Variants in ENPP1 observed in about 807,000 individuals in gnomAD.
ENPP1 encodes the protein ectonucleotide pyrophosphatase/phosphodiesterase 1.
ENPP1 carries 73 observed loss-of-function variants against 122.8 expected under a neutral mutation model. The observed-to-expected ratio is 0.59, with a 90% confidence interval of 0.49 to 0.72. The LOEUF (loss-of-function observed/expected upper bound fraction) is 0.72, where lower values mean the gene tolerates loss of function less well. Among genes scored for constraint, ENPP1 ranks in the 30% least tolerant of loss-of-function variants. ENPP1 has a pLI of 0.00. For missense variants in ENPP1, 978 were observed against 1,128.1 expected (o/e 0.87, Z 1.91); for synonymous variants, 367 against 391.6 (o/e 0.94, Z 0.74).
At chr6:131,859,657 A>C (rs981000327) in intron 7 of ENPP1, among the ~76,000 whole-genome samples, 1 of 152,116 alleles carries the variant, frequency 6.6e-6, no homozygotes, top group Non-Finnish European at 1.5e-5. Flanking sequence ...TATATTTGGA[A>C]GAAGGGGTCA....
In ENPP1 at chr6:131,891,764, T is replaced by TTTTC. The variant is rs1782474414; in HGVS notation, c.*1254_*1257dup. The stretch of plus-strand genomic sequence containing the variant: ...AGGAAGTTGCTTTTTTTTTTTTTTT[T>TTTTC]TTTCAGTCCTGCAGTTTCCTGAAGC... On this transcript the variant is annotated 3_prime_UTR_variant, in exon 25 of 25. Coordinates refer to ENST00000647893, the MANE Select transcript of ENPP1 (RefSeq NM_006208.3). The TTTTC allele has an allele frequency of 6.6e-6, 1 of 151,218 alleles. No individual in the cohort carries two copies. Among genetic ancestry groups the TTTTC allele is most frequent in the African/African-American group, 2.4e-5 (1 of 40,980 alleles). The allele number at this position is 151,218 out of a possible 1,614,324, so 9.4% of individuals were successfully genotyped here.
intron 6 of ENPP1, among the ~76,000 whole-genome samples, chr6:131,858,334 C>T (rs1781975667): frequency 6.6e-6 from 1 of 152,192 alleles, no homozygotes; most frequent in Admixed American, 6.5e-5. Context: ...CTTATTCTAC[C>T]TCTTATGATT....
In ENPP1 at chr6:131,852,167, T is replaced by C; in HGVS notation, c.557-8T>C. ...TGTGTTCATTTTATTTTCTTGAAAA[T>C]ATTTTAGGTGAGAAAAGTTGGGTAG... On this transcript the variant is annotated splice_region_variant and splice_polypyrimidine_tract_variant and intron_variant, in intron 4 of 24. Coordinates refer to ENST00000647893, the MANE Select transcript of ENPP1 (RefSeq NM_006208.3). The C allele has an allele frequency of 6.3e-7, 1 of 1,576,022 alleles. No homozygotes were observed. The highest frequency in any genetic ancestry group is 1.1e-5 in the South Asian group (1 of 90,292).
In ENPP1 at chr6:131,893,521, CAT is replaced by C. The variant is rs1325620820; in HGVS notation, c.*3011_*3012del. ...CATTCCTTGGATGGAACATTTTTGA[CAT>C]TTTCCCATTTACAGCTACTTATATT... On this transcript the variant is annotated 3_prime_UTR_variant, in exon 25 of 25. Transcript: ENST00000647893. 11 of 152,362 alleles carry C rather than the reference CAT, an allele frequency of 7.2e-5. No individual in the cohort carries two copies. Among genetic ancestry groups the C allele is most frequent in the African/African-American group, 2.6e-4 (11 of 41,580 alleles). The allele number at this position is 152,362 out of a possible 1,614,324, so 9.4% of individuals were successfully genotyped here. A position where few individuals can be genotyped will look rare whatever the true frequency, so the allele number is the denominator to read the frequency against.
chr6:131,837,296 C>T (rs977797744), intron 1 of ENPP1, among the ~76,000 whole-genome samples: 18 of 151,546 alleles, frequency 1.2e-4, no homozygotes, highest in Admixed American at 6.6e-4. Flanking sequence ...GAGGCCAAGG[C>T]GGGCAGATCA....
Position 131,850,050 on chromosome 6 carries a change from C to T in ENPP1, c.374C>T (p.Ala125Val), listed in dbSNP as rs1213476888. 1.2e-6 allele frequency: 2 copies of T among 1,613,980 alleles called. No homozygotes were observed. Among genetic ancestry groups the T allele is most frequent in the Non-Finnish European group, 1.7e-6 (2 of 1,179,942 alleles). ...TTTGGGAACTGTCGCTGTGATGCTG[C>T]CTGTGTTGAGCTTGGAAACTGCTGT... Reference protein sequence around the residue: ...RTFGNCRCDAACVELGNCCLD... With the variant: ...RTFGNCRCDAVCVELGNCCLD... The change falls in exon 3 of 25, where the codon GCC becomes GTC. Residue 125 changes from alanine to valine, a missense_variant. Ala to Val is a moderately conservative substitution (Grantham distance 64). This residue lies in a region of ENPP1 where 330 missense variants were observed against 328.5 expected (regional missense o/e 1.00). Coordinates refer to ENST00000647893, the MANE Select transcript of ENPP1 (RefSeq NM_006208.3).
intron 1 of ENPP1, chr6:131,827,574 T>G (rs1781560723): frequency 1.7e-6 from 1 of 594,892 alleles, no homozygotes. Context: ...TAAAGAGTGA[T>G]GTAGGTTAAA....
At chr6:131,810,454 C>A (rs535796446) in intron 1 of ENPP1, among the ~76,000 whole-genome samples, 3 of 142,930 alleles carry the variant, frequency 2.1e-5, no homozygotes, top group Non-Finnish European at 3.0e-5. Flanking sequence ...CCCCGCCCCC[C>A]CCCCAAAAAC....
rs375570975 is a variant in ENPP1 at position 131,867,951 on chromosome 6, T to A, written c.1165-67T>A. On this transcript the variant is annotated intron_variant, in intron 11 of 24. Transcript: ENST00000647893. Reference sequence around the variant, plus strand: ...TCTTTTTTTTTTTTTTTAACAGAGATAGCTTTATGTATAAATAGCCATTAG... The same window carrying A: ...TCTTTTTTTTTTTTTTTAACAGAGAAAGCTTTATGTATAAATAGCCATTAG... The A allele has an allele frequency of 1.2e-5, 12 of 972,758 alleles. 1 individual carries two copies. The highest frequency in any genetic ancestry group is 1.1e-4 in the African/African-American group (7 of 62,354). The allele number at this position is 972,758 out of a possible 1,614,324, so 60.3% of individuals were successfully genotyped here. A position where few individuals can be genotyped will look rare whatever the true frequency, so the allele number is the denominator to read the frequency against.
At chr6:131,832,251 C>T (rs922266249) in intron 1 of ENPP1, among the ~76,000 whole-genome samples, 10 of 152,042 alleles carry the variant, frequency 6.6e-5, no homozygotes, top group African/African-American at 2.4e-4. Context: ...TCAGTTTCTC[C>T]ACCCTGCAAA....
chr6:131,881,707 C>T (rs938540218), intron 20 of ENPP1, among the ~76,000 whole-genome samples: 2 of 152,070 alleles, frequency 1.3e-5, no homozygotes, highest in Admixed American at 1.3e-4. Context: ...CATGGTGAAA[C>T]CCTGTCTCTA....
intron 23 of ENPP1, among the ~76,000 whole-genome samples, chr6:131,885,558 T>C (rs775398840): frequency 3.3e-5 from 5 of 152,056 alleles, no homozygotes; most frequent in Non-Finnish European, 5.9e-5. Flanking sequence ...AAGGAAACCA[T>C]CAGTGGTGCT....
intron 17 of ENPP1, among the ~76,000 whole-genome samples, chr6:131,876,721 A>G (rs1429159142): frequency 6.6e-6 from 1 of 152,212 alleles, no homozygotes; most frequent in South Asian, 2.1e-4. Context: ...ATGATTGGCA[A>G]AAATATGCAT....
intron 4 of ENPP1, 30 bp from the exon 5 acceptor site, chr6:131,852,145 G>T: frequency 7.0e-7 from 1 of 1,431,852 alleles, no homozygotes. Context: ...TGTTAAGTGT[G>T]TTCATTTTAT....
rs1782225291 is a variant in ENPP1 at position 131,875,862 on chromosome 6, T to C, written c.1722T>C (p.Cys574=). 1.9e-6 allele frequency: 3 copies of C among 1,610,290 alleles called. No homozygotes were observed. In the African/African-American group the frequency reaches 4.0e-5, roughly 21 times the overall value. The change falls in exon 17 of 25, where the codon TGT becomes TGC. Residue 574 remains cysteine, a splice_region_variant and synonymous_variant. Transcript: ENST00000647893. ...FENIEVYNLM[C]DLLNLTPAPN... The stretch of plus-strand genomic sequence containing the variant: ...ACATTGAAGTCTATAACTTAATGTG[T>C]GGTAAGTGTGAACAGGTGCCTTTTT...
intron 1 of ENPP1, among the ~76,000 whole-genome samples, chr6:131,816,012 C>A (rs565832432): frequency 2.0e-5 from 3 of 148,916 alleles, no homozygotes; most frequent in Non-Finnish European, 4.4e-5. Context: ...TGAGCCACCA[C>A]GCCCGGCTGT....
At chr6:131,852,614 A>G (rs866982687) in intron 5 of ENPP1, among the ~76,000 whole-genome samples, 18 of 152,262 alleles carry the variant, frequency 1.2e-4, no homozygotes, top group Middle Eastern at 3.4e-3. Flanking sequence ...GGTGGAACAG[A>G]GATGATTATG....
chr6:131,874,416 T>C, intron 16 of ENPP1, 79 bp downstream of exon 16: 1 of 777,054 alleles, frequency 1.3e-6, no homozygotes, highest in Admixed American at 1.9e-5. Flanking sequence ...GAAAACATAC[T>C]GTGATTATAT....
intron 1 of ENPP1, among the ~76,000 whole-genome samples, chr6:131,821,763 A>G (rs1451550158): frequency 6.6e-6 from 1 of 152,184 alleles, no homozygotes; most frequent in East Asian, 1.9e-4. Flanking sequence ...CCATCGCACG[A>G]TCAATGGAAC....
Sources: gnomAD v4.1 joint callset for allele counts (sites outside exome capture counted in the v4.1 genomes callset) on GRCh38, gnomAD v4.1.1 for gene constraint, gnomAD v4.1.1 regional missense constraint, MANE v1.5 for transcripts, NCBI Gene and HGNC (gene_info 2026-07-23, HGNC 2026-07-21) for gene names.